The following MTUS2 variants were observed in gnomAD, a reference collection of about 807,000 sequenced individuals.
The protein encoded by MTUS2 is microtubule associated scaffold protein 2, also known as microtubule-associated tumor suppressor candidate 2.
Under a neutral mutation model 114.1 loss-of-function variants are expected in MTUS2, and 40 were observed. That is an observed-to-expected ratio of 0.35 (90% confidence interval 0.27 to 0.46). The LOEUF is 0.46. Ranked by LOEUF, MTUS2 falls within the 20% of genes least tolerant of loss-of-function variation. The pLI is 1.00. For missense variants in MTUS2, 1,679 were observed against 1,705.4 expected (o/e 0.98, Z 0.27); for synonymous variants, 688 against 672.0 (o/e 1.02, Z -0.37).
At chr13:28,960,926 T>A (rs1035827858) in intron 2 of MTUS2, among the ~76,000 whole-genome samples, 1 of 149,982 alleles carries the variant, frequency 6.7e-6, no homozygotes, top group Admixed American at 6.6e-5. Flanking sequence ...AAAACGAAAG[T>A]CTCCACAAAG....
At chr13:29,135,874 G>T (rs1482209156) in intron 5 of MTUS2, among the ~76,000 whole-genome samples, 1 of 152,038 alleles carries the variant, frequency 6.6e-6, no homozygotes. Context: ...TTTATTTGTT[G>T]TGTGTCCAAA....
intron 2 of MTUS2, among the ~76,000 whole-genome samples, chr13:29,017,978 AT>A (rs1886136318): frequency 6.6e-6 from 1 of 152,242 alleles, no homozygotes; most frequent in Admixed American, 6.5e-5. Flanking sequence ...ATTAAAAAGC[AT>A]GATATGACAG....
chr13:28,968,217 TA>T (rs1054583511), intron 2 of MTUS2, among the ~76,000 whole-genome samples: 6 of 152,218 alleles, frequency 3.9e-5, no homozygotes, highest in Non-Finnish European at 7.3e-5. Flanking sequence ...TTGCATTTTT[TA>T]AATTATTTGG....
At chr13:29,100,992 G>A in intron 5 of MTUS2, 22 bp downstream of exon 5, 1 of 1,524,724 alleles carries the variant, frequency 6.6e-7, no homozygotes, top group Non-Finnish European at 8.8e-7. Context: ...GGGGCAGGGT[G>A]GGGTGCCTTC....
rs561158413 is a variant in MTUS2 at position 29,315,590 on chromosome 13, G to A, written c.2807-9023G>A. ...CTATAAATTTGATGTCCCTATCTGTGTCATTGTGTGCTCAGCTGGGCTAGA... is the reference window on the plus strand; with the variant it reads ...CTATAAATTTGATGTCCCTATCTGTATCATTGTGTGCTCAGCTGGGCTAGA... On this transcript the variant is annotated intron_variant, in intron 6 of 15. Coordinates refer to ENST00000612955, the MANE Select transcript of MTUS2 (RefSeq NM_001033602.4). 5.3e-5 allele frequency among the ~76,000 whole-genome samples: 8 copies of A among 152,284 alleles called. No homozygotes were observed. In the South Asian group the frequency reaches 1.7e-3, roughly 32 times the overall value.
chr13:29,282,193 A>G (rs941953339), intron 6 of MTUS2, among the ~76,000 whole-genome samples: 2 of 152,246 alleles, frequency 1.3e-5, no homozygotes, highest in African/African-American at 4.8e-5. Context: ...ACTGTAGGAT[A>G]GCAAGCTTCA....
At chr13:29,435,538 G>A (rs2138661284) in intron 8 of MTUS2, among the ~76,000 whole-genome samples, 1 of 152,272 alleles carries the variant, frequency 6.6e-6, no homozygotes, top group African/African-American at 2.4e-5. Flanking sequence ...CAGAACCTAA[G>A]GGCCTTGCAA....
At chr13:29,019,467 G>A (rs1480956881) in intron 2 of MTUS2, among the ~76,000 whole-genome samples, 2 of 152,120 alleles carry the variant, frequency 1.3e-5, no homozygotes, top group Non-Finnish European at 1.5e-5. Flanking sequence ...AGATATTTTC[G>A]ATGAAAAATT....
At chr13:29,307,469 TG>T in intron 6 of MTUS2, 2 of 1,329,830 alleles carry the variant, frequency 1.5e-6, no homozygotes, top group South Asian at 1.2e-5. Flanking sequence ...CTCACTGGCA[TG>T]GCCTTCTGTG....
chr13:28,970,729 T>TCCCCTCCATC (rs755296642), intron 2 of MTUS2, among the ~76,000 whole-genome samples: 1 of 152,150 alleles, frequency 6.6e-6, no homozygotes, highest in South Asian at 2.1e-4. Context: ...GATGCCATAT[T>TCCCCTCCATC]CCCCTCCATC....
intron 5 of MTUS2, 142 bp from the exon 6 acceptor site, chr13:29,281,562 A>C (rs2139540969): frequency 1.1e-6 from 1 of 887,502 alleles, no homozygotes; most frequent in East Asian, 2.7e-5. Context: ...TTCCAGAAAA[A>C]TACTTTTCAA....
At position 29,505,894 on chromosome 13, in the gene MTUS2, G is replaced by GTTT. The variant is rs1883209515; in HGVS notation, c.*2690_*2691insTTT. ...CCCTTTTCCTGCCCCTACAGTTTGT[G>GTTT]TTGCATATTTGTGTTTAAAGCCTAT... On this transcript the variant is annotated 3_prime_UTR_variant, in exon 16 of 16. Coordinates refer to ENST00000612955, the MANE Select transcript of MTUS2 (RefSeq NM_001033602.4). The GTTT allele has an allele frequency of 8.9e-6, 2 of 224,698 alleles. No homozygotes were observed. The highest frequency in any genetic ancestry group is 1.8e-5 in the Non-Finnish European group (2 of 112,850). 13.9% of individuals were successfully genotyped at this position (224,698 alleles called of 1,614,324 possible). A position where few individuals can be genotyped will look rare whatever the true frequency, so the allele number is the denominator to read the frequency against.
chr13:29,480,928 AG>A lies in MTUS2; in HGVS notation c.3399+566del, dbSNP rs536428202. Among the ~76,000 whole-genome samples, 1 of 152,252 alleles carries A rather than the reference AG, an allele frequency of 6.6e-6. No homozygotes were observed. Among genetic ancestry groups the A allele is most frequent in the East Asian group, 1.9e-4 (1 of 5,180 alleles). On this transcript the variant is annotated intron_variant, in intron 10 of 15. Coordinates refer to ENST00000612955, the MANE Select transcript of MTUS2 (RefSeq NM_001033602.4). This position sits in a 1 kb window ranked among gnomAD's most constrained non-coding sequence, Gnocchi z 4.4. The stretch of plus-strand genomic sequence containing the variant: ...GTCCTCACAGTTCCCCTAACGAGGA[AG>A]GTACCATTCTTATTCCCATTTTACA...
At chr13:29,045,529 A>G (rs1484654760) in intron 4 of MTUS2, among the ~76,000 whole-genome samples, 22 of 152,140 alleles carry the variant, frequency 1.4e-4, no homozygotes, top group Admixed American at 1.4e-3. Flanking sequence ...GCAGCAGGGT[A>G]TGTACATGAA....
chr13:28,957,487 A>G (rs576083500), intron 2 of MTUS2, among the ~76,000 whole-genome samples: 1 of 152,370 alleles, frequency 6.6e-6, no homozygotes, highest in South Asian at 2.1e-4. Context: ...TATATTGAAC[A>G]TGCACAGACT....
At position 28,882,129 on chromosome 13, in the gene MTUS2, G is replaced by A. The variant is rs542526935; in HGVS notation, c.-243+42279G>A. ...GGCTGGAGTGCGGCAGCATGATCTC[G>A]GCTCATTGCAACCTCTGCCCCCTAG... On this transcript the variant is annotated intron_variant, in intron 2 of 15. Transcript: ENST00000612955. Among the ~76,000 whole-genome samples, 13 of 151,822 alleles carry A rather than the reference G, an allele frequency of 8.6e-5. No individual in the cohort carries two copies. The South Asian group carries it at 1.0e-3, about 12-fold the overall frequency.
chr13:29,327,001 A>T, intron 7 of MTUS2, among the ~76,000 whole-genome samples: 1 of 152,122 alleles, frequency 6.6e-6, no homozygotes, highest in East Asian at 1.9e-4. Context: ...AAAATAAAAT[A>T]AAAATTTAAA....
chr13:29,031,369 A>G lies in MTUS2; in HGVS notation c.2206-2516A>G, dbSNP rs555619733. On this transcript the variant is annotated intron_variant, in intron 3 of 15. Transcript: ENST00000612955. ...ATATATCTCATATGTAGAGACAGAT[A>G]TAGATGTATATATAGAGAGGGTACA... Among the ~76,000 whole-genome samples, 8 of 152,146 alleles carry G rather than the reference A, an allele frequency of 5.3e-5. No individual in the cohort carries two copies. In the East Asian group the frequency reaches 1.5e-3, roughly 29 times the overall value.
chr13:28,911,664 CT>C (rs1880439999), intron 2 of MTUS2, among the ~76,000 whole-genome samples: 1 of 152,142 alleles, frequency 6.6e-6, no homozygotes, highest in South Asian at 2.1e-4. Context: ...TCAGCAGCAT[CT>C]GTTGTTTCTT....
Sources: allele counts gnomAD v4.1 joint callset (sites outside exome capture counted in the v4.1 genomes callset), GRCh38; gene constraint gnomAD v4.1.1; non-coding constraint Gnocchi (gnomAD v3.1); transcripts MANE v1.5; gene names NCBI Gene and HGNC (gene_info 2026-07-23, HGNC 2026-07-21).